RDX: variants seen among roughly 807,000 people sequenced by gnomAD.
RDX encodes radixin.
Under a neutral mutation model 83.7 loss-of-function variants are expected in RDX, and 32 were observed. That is an observed-to-expected ratio of 0.38 (90% CI 0.29 to 0.51). The LOEUF (loss-of-function observed/expected upper bound fraction) is 0.51. Ranked by LOEUF, RDX falls within the 20% of genes least tolerant of loss-of-function variation. RDX has a pLI of 0.87. For missense variants in RDX, 600 were observed against 689.9 expected, an observed-to-expected ratio of 0.87 and a Z score of 1.46; for synonymous variants, 229 against 222.7, an observed-to-expected ratio of 1.03 and a Z score of -0.25.
At chr11:110,228,196 G>C (rs575185408), downstream of RDX, among the ~76,000 whole-genome samples, 1 of 152,118 alleles carries the variant, frequency 6.6e-6, no homozygotes, top group East Asian at 1.9e-4. Flanking sequence ...TTAACATATG[G>C]AACATGATTG....
At chr11:110,271,898 A>G (rs1335071417) in intron 3 of RDX, among the ~76,000 whole-genome samples, 1 of 152,234 alleles carries the variant, frequency 6.6e-6, no homozygotes, top group Non-Finnish European at 1.5e-5. Flanking sequence ...AAACCTCTTC[A>G]GTACCAACAT....
At chr11:110,264,731 C>T (rs1179135389) in intron 4 of RDX, 48 bp downstream of exon 4, 1 of 1,368,350 alleles carries the variant, frequency 7.3e-7, no homozygotes, top group South Asian at 1.2e-5. Context: ...AAATTCATAA[C>T]TTCAACTTAA....
At chr11:110,261,905 T>C (rs1288094952) in intron 5 of RDX, among the ~76,000 whole-genome samples, 1 of 152,158 alleles carries the variant, frequency 6.6e-6, no homozygotes, top group Non-Finnish European at 1.5e-5. Flanking sequence ...TTCAATCACA[T>C]GAGTTATGAA....
At chr11:110,271,190 C>T (rs1860294635) in intron 3 of RDX, among the ~76,000 whole-genome samples, 1 of 152,192 alleles carries the variant, frequency 6.6e-6, no homozygotes, top group African/African-American at 2.4e-5. Flanking sequence ...AAGTATATTA[C>T]TTGTCAGGAG....
intron 1 of RDX, among the ~76,000 whole-genome samples, chr11:110,289,956 C>CA (rs58146009): frequency 0.018 from 621 of 35,470 alleles, 97 homozygotes; most frequent in African/African-American, 0.036. Flanking sequence ...GAGACTGTCT[C>CA]AAAAAAAAAA....
intron 15 of RDX, among the ~76,000 whole-genome samples, chr11:110,187,631 T>C (rs575573857): frequency 8.5e-5 from 13 of 152,332 alleles, no homozygotes; most frequent in African/African-American, 3.1e-4. Flanking sequence ...GGCACACCTC[T>C]GGGTGCTTGA....
intron 14 of RDX, among the ~76,000 whole-genome samples, chr11:110,216,672 T>G (rs985565020): frequency 4.6e-5 from 7 of 151,112 alleles, no homozygotes; most frequent in African/African-American, 1.5e-4. Flanking sequence ...GCCACCACAC[T>G]GGGCCCTAAT....
chr11:110,191,740 C>A (rs1244321209), intron 15 of RDX, among the ~76,000 whole-genome samples: 1 of 152,168 alleles, frequency 6.6e-6, no homozygotes, highest in Non-Finnish European at 1.5e-5. Context: ...CCTGTAGTCC[C>A]AGCTACTCAG....
At chr11:110,257,208 T>C (rs937466680) in intron 7 of RDX, among the ~76,000 whole-genome samples, 1 of 151,460 alleles carries the variant, frequency 6.6e-6, no homozygotes, top group Non-Finnish European at 1.5e-5. Context: ...ATTATATATG[T>C]ATAATAAAAA....
intron 1 of RDX, among the ~76,000 whole-genome samples, chr11:110,295,800 T>C (rs1861430721): frequency 6.6e-6 from 1 of 152,304 alleles, no homozygotes; most frequent in South Asian, 2.1e-4. Context: ...CCGAGAAAGT[T>C]ACAGGGCTCC....
chr11:110,240,156 A>C (rs994012426), intron 10 of RDX, among the ~76,000 whole-genome samples: 1 of 152,220 alleles, frequency 6.6e-6, no homozygotes, highest in Non-Finnish European at 1.5e-5. Context: ...AGTCAACCTA[A>C]GTGCTTAAAG....
chr11:110,246,902 G>C (rs1275478290), intron 10 of RDX, among the ~76,000 whole-genome samples: 2 of 152,174 alleles, frequency 1.3e-5, no homozygotes, highest in East Asian at 3.8e-4. Context: ...GAACTGAATA[G>C]CTTGTTTTAC....
chr11:110,182,953 C>T (rs1172084262), intron 15 of RDX, among the ~76,000 whole-genome samples: 1 of 152,138 alleles, frequency 6.6e-6, no homozygotes, highest in Non-Finnish European at 1.5e-5. Flanking sequence ...TCCAGGGAGG[C>T]TAAATGATTT....
chr11:110,276,611 G>A (rs1012012921), intron 2 of RDX, among the ~76,000 whole-genome samples: 28 of 152,112 alleles, frequency 1.8e-4, no homozygotes, highest in African/African-American at 6.8e-4. Context: ...CTCTATACAT[G>A]ACTATGGTTT....
intron 13 of RDX, 54 bp downstream of exon 13, chr11:110,233,183 G>A (rs1864707291): frequency 6.2e-7 from 1 of 1,604,176 alleles, no homozygotes; most frequent in African/African-American, 1.3e-5. Flanking sequence ...TGTCTAAGAT[G>A]GGGAAAATGC....
intron 15 of RDX, among the ~76,000 whole-genome samples, chr11:110,194,743 C>A (rs1863167570): frequency 6.6e-6 from 1 of 152,246 alleles, no homozygotes. Context: ...ATTAGACAAA[C>A]AATATTGTAT....
At chr11:110,250,817 A>G (rs776483795) in intron 9 of RDX, among the ~76,000 whole-genome samples, 45 of 152,204 alleles carry the variant, frequency 3.0e-4, no homozygotes, top group Non-Finnish European at 5.3e-4. Flanking sequence ...CTCACATTTT[A>G]TAAGAATCCT....
intron 1 of RDX, among the ~76,000 whole-genome samples, chr11:110,282,323 C>T (rs761311771): frequency 6.6e-6 from 1 of 152,060 alleles, no homozygotes; most frequent in Non-Finnish European, 1.5e-5. Flanking sequence ...ATGGCTTGTC[C>T]TAAGTTACGT....
intron 3 of RDX, among the ~76,000 whole-genome samples, chr11:110,269,656 A>G (rs1225544396): frequency 6.6e-6 from 1 of 152,168 alleles, no homozygotes; most frequent in Admixed American, 6.5e-5. Flanking sequence ...AAAGTTCATC[A>G]CTGCATTTGA....
Sources: allele counts gnomAD v4.1 joint callset (sites outside exome capture counted in the v4.1 genomes callset), GRCh38; gene constraint gnomAD v4.1.1; transcripts MANE v1.5; gene names NCBI Gene and HGNC (gene_info 2026-07-23, HGNC 2026-07-21).